CDH18: variants seen among roughly 807,000 people sequenced by gnomAD.
The protein encoded by CDH18 is cadherin-18.
A neutral mutation model predicts 67.9 loss-of-function variants in CDH18; 31 were observed. That is an observed-to-expected ratio of 0.46 (90% confidence interval 0.34 to 0.62). CDH18 has a LOEUF of 0.62. CDH18 is among the 20% of genes least tolerant of loss of function. The probability of loss-of-function intolerance (pLI) is 0.01; values close to 1 mark genes in which losing one functional copy is unlikely to be tolerated. For missense variants in CDH18, 890 were observed against 975.5 expected (o/e 0.91, Z 1.17); for synonymous variants, 362 against 347.2 (o/e 1.04, Z -0.48).
intron 1 of CDH18, among the ~76,000 whole-genome samples, chr5:20,378,426 G>A (rs563217816): frequency 4.6e-5 from 7 of 152,242 alleles, no homozygotes; most frequent in African/African-American, 1.7e-4. Context: ...CTCCTCAGAA[G>A]GAGGATGGAG....
intron 1 of CDH18, among the ~76,000 whole-genome samples, chr5:20,449,573 G>A (rs375658424): frequency 1.1e-4 from 17 of 151,748 alleles, no homozygotes; most frequent in African/African-American, 2.7e-4. Flanking sequence ...ACCCCCTTTC[G>A]TATTGTATCA....
intron 8 of CDH18, among the ~76,000 whole-genome samples, chr5:19,568,417 T>C (rs908260065): frequency 1.3e-5 from 2 of 152,116 alleles, no homozygotes; most frequent in Non-Finnish European, 1.5e-5. Flanking sequence ...ATACGAGACG[T>C]TGGTAGTCTG....
At chr5:20,120,374 A>G (rs576568659) in intron 2 of CDH18, among the ~76,000 whole-genome samples, 1 of 152,252 alleles carries the variant, frequency 6.6e-6, no homozygotes. Context: ...AATTCACTTA[A>G]TAGGAACACA....
At chr5:19,845,263 C>A (rs796286326) in intron 2 of CDH18, among the ~76,000 whole-genome samples, 2 of 151,844 alleles carry the variant, frequency 1.3e-5, no homozygotes, top group South Asian at 4.1e-4. Flanking sequence ...TGACTTTTTT[C>A]TTTGACCCAT....
At chr5:20,019,070 T>A (rs1227138058) in intron 2 of CDH18, among the ~76,000 whole-genome samples, 2 of 152,046 alleles carry the variant, frequency 1.3e-5, no homozygotes, top group Admixed American at 1.3e-4. Context: ...GTGCTGGGAT[T>A]ACAGGCGTGA....
chr5:20,285,859 TAAGTA>T (rs1349011372), intron 1 of CDH18, among the ~76,000 whole-genome samples: 1 of 151,720 alleles, frequency 6.6e-6, no homozygotes, highest in African/African-American at 2.4e-5. Flanking sequence ...TTGAGTGCCC[TAAGTA>T]AAAGTGGGAG....
intron 5 of CDH18, among the ~76,000 whole-genome samples, chr5:19,704,418 G>A (rs1426992160): frequency 6.6e-6 from 1 of 152,076 alleles, no homozygotes; most frequent in Non-Finnish European, 1.5e-5. Context: ...AATTTATGGG[G>A]AAAAGATTTA....
intron 1 of CDH18, among the ~76,000 whole-genome samples, chr5:20,563,633 T>C (rs1758342540): frequency 6.6e-6 from 1 of 152,146 alleles, no homozygotes; most frequent in East Asian, 1.9e-4. Flanking sequence ...TTTAAATTGG[T>C]GTTCATGAGT....
chr5:19,556,424 A>T (rs1042153400), intron 8 of CDH18, among the ~76,000 whole-genome samples: 1 of 152,198 alleles, frequency 6.6e-6, no homozygotes, highest in Non-Finnish European at 1.5e-5. Context: ...CGGCATAAAT[A>T]AAAAACAATC....
chr5:19,890,289 C>T (rs1373102131), intron 2 of CDH18, among the ~76,000 whole-genome samples: 4 of 152,046 alleles, frequency 2.6e-5, no homozygotes, highest in Non-Finnish European at 5.9e-5. Flanking sequence ...TTTACCAACA[C>T]TTGTGATTAC....
intron 10 of CDH18, among the ~76,000 whole-genome samples, chr5:19,509,817 T>C (rs1405278854): frequency 6.6e-6 from 1 of 152,206 alleles, no homozygotes; most frequent in Admixed American, 6.6e-5. Flanking sequence ...ATCATTCTAC[T>C]TTGGGAACTG....
At chr5:19,714,519 T>C (rs929773269) in intron 5 of CDH18, among the ~76,000 whole-genome samples, 21 of 152,172 alleles carry the variant, frequency 1.4e-4, no homozygotes, top group Admixed American at 4.6e-4. Context: ...AGATTTTTTT[T>C]TTTTTTTCAG....
chr5:20,549,557 T>A (rs2126615956), intron 1 of CDH18, among the ~76,000 whole-genome samples: 1 of 152,062 alleles, frequency 6.6e-6, no homozygotes, highest in East Asian at 1.9e-4. Context: ...AATTAAGGAG[T>A]TTGGATGTTA....
intron 2 of CDH18, among the ~76,000 whole-genome samples, chr5:19,869,834 C>T (rs1464987050): frequency 1.3e-5 from 2 of 152,036 alleles, no homozygotes; most frequent in Admixed American, 6.6e-5. Context: ...TCCCAAAATT[C>T]TAGTAAGGCA....
In CDH18 at chr5:20,036,178, G is replaced by T. The variant is rs758203625; in HGVS notation, c.-517-44164C>A. On this transcript the variant is annotated intron_variant, in intron 2 of 14. Coordinates refer to the CDH18 transcript ENST00000507958. The stretch of plus-strand genomic sequence containing the variant: ...CAATTTACAGAAAGTGTATCCAAAG[G>T]GTGCTGATCCACAGCTGTTCACCAG... Among the ~76,000 whole-genome samples the T allele has an allele frequency of 1.3e-5, 2 of 151,898 alleles. 1 individual carries two copies. The highest frequency in any genetic ancestry group is 4.1e-4 in the South Asian group (2 of 4,826).
intron 1 of CDH18, among the ~76,000 whole-genome samples, chr5:20,515,591 C>T (rs540095481): frequency 2.0e-5 from 3 of 152,058 alleles, no homozygotes; most frequent in African/African-American, 4.8e-5. Flanking sequence ...TTTAACAGCT[C>T]GTTATTCTAA....
At chr5:20,424,615 G>T (rs181949791) in intron 1 of CDH18, among the ~76,000 whole-genome samples, 1 of 149,794 alleles carries the variant, frequency 6.7e-6, no homozygotes, top group East Asian at 1.9e-4. Context: ...CAGGCGTGGT[G>T]GTGCATGCCT....
intron 2 of CDH18, among the ~76,000 whole-genome samples, chr5:19,970,290 T>G (rs1363615689): frequency 6.6e-6 from 1 of 151,448 alleles, no homozygotes; most frequent in Non-Finnish European, 1.5e-5. Flanking sequence ...AATAAGTATT[T>G]TCCCTAAAAA....
chr5:19,897,594 A>G (rs1206093697), intron 2 of CDH18, among the ~76,000 whole-genome samples: 1 of 152,120 alleles, frequency 6.6e-6, no homozygotes, highest in Non-Finnish European at 1.5e-5. Flanking sequence ...ATAAGTACAT[A>G]TATTTTTCCA....
Sources: allele counts gnomAD v4.1 joint callset (sites outside exome capture counted in the v4.1 genomes callset), GRCh38; gene constraint gnomAD v4.1.1; transcripts MANE v1.5; gene names NCBI Gene and HGNC (gene_info 2026-07-23, HGNC 2026-07-21).